Variants in EP300 observed in about 807,000 individuals in gnomAD.
EP300 encodes the protein histone acetyltransferase p300.
A neutral mutation model predicts 264.0 loss-of-function variants in EP300; 31 were observed. The ratio of observed to expected loss-of-function variants is 0.12; its 90% CI spans 0.09 to 0.16. EP300 has a LOEUF of 0.16. Among genes scored for constraint, EP300 ranks in the 10% least tolerant of loss-of-function variants. The pLI, the probability that EP300 is intolerant of heterozygous loss-of-function variation, is 1.00. For missense variants in EP300, 2,766 were observed against 3,052.9 expected (o/e 0.91, Z 2.21); for synonymous variants, 1,340 against 1,045.4 (o/e 1.28, Z -5.44).
In EP300 at chr22:41,178,148, C is replaced by A. The variant is rs745528077; in HGVS notation, c.6437C>A (p.Pro2146His). Residue 2146 changes from proline to histidine, a missense_variant, in exon 31 of 31, where the codon CCC becomes CAC. Physicochemically the swap from Pro to His is moderately conservative, Grantham distance 77. Transcript: ENST00000263253. ...MQAGVQRAGL[P>H]QQQPQQQLQP... Reference sequence around the variant, plus strand: ...GCGGGCGTTCAGAGGGCTGGCCTGCCCCAGCAGCAACCACAGCAGCAACTC... The same window carrying A: ...GCGGGCGTTCAGAGGGCTGGCCTGCACCAGCAGCAACCACAGCAGCAACTC... 8.1e-6 allele frequency: 13 copies of A among 1,614,020 alleles called. No individual in the cohort carries two copies. The South Asian group carries it at 1.2e-4, about 15-fold the overall frequency.
chr22:41,168,996 A>G, intron 25 of EP300, 129 bp downstream of exon 25: 1 of 1,330,284 alleles, frequency 7.5e-7, no homozygotes, highest in Non-Finnish European at 1.1e-6. Flanking sequence ...TCAAGTGTCC[A>G]GTAATTTTAA....
At position 41,178,407 on chromosome 22, in the gene EP300, A is replaced by G. The variant is rs140852765; in HGVS notation, c.6696A>G (p.Gln2232=). The change falls in exon 31 of 31, where the codon CAA becomes CAG. Residue 2232 remains glutamine, a synonymous_variant. Transcript: ENST00000263253. The part of the protein sequence containing the change: ...QQQQRMQHHM[Q]QMQQGNMGQI... ...AGCAGCGGATGCAGCATCACATGCAACAGATGCAACAAGGAAATATGGGAC... is the reference window on the plus strand; with the variant it reads ...AGCAGCGGATGCAGCATCACATGCAGCAGATGCAACAAGGAAATATGGGAC... The G allele has an allele frequency of 6.4e-5, 104 of 1,614,034 alleles. No homozygotes were observed. The highest frequency in any genetic ancestry group is 4.2e-4 in the Admixed American group (25 of 59,996).
At chr22:41,151,736 G>A (rs1043351422) in intron 14 of EP300, 97 bp from the exon 15 acceptor site, 6 of 1,215,056 alleles carry the variant, frequency 4.9e-6, no homozygotes, top group African/African-American at 4.5e-5. Flanking sequence ...AGAAATAGGT[G>A]GCTAATTCTG....
chr22:41,113,135 G>T (rs2058802546), intron 1 of EP300, among the ~76,000 whole-genome samples: 1 of 139,034 alleles, frequency 7.2e-6, no homozygotes, highest in Non-Finnish European at 1.5e-5. Context: ...GTTTATAGTT[G>T]GCTTGTTTGA....
At chr22:41,098,213 T>C (rs1350045169) in intron 1 of EP300, among the ~76,000 whole-genome samples, 1 of 152,168 alleles carries the variant, frequency 6.6e-6, no homozygotes, top group African/African-American at 2.4e-5. Flanking sequence ...TAATAGACGG[T>C]AGTTTCATTT....
intron 2 of EP300, 47 bp from the exon 3 acceptor site, chr22:41,125,817 C>A: frequency 6.3e-7 from 1 of 1,580,612 alleles, no homozygotes; most frequent in Non-Finnish European, 8.7e-7. Context: ...ATAATAATGT[C>A]TTAAATTTTA....
At chr22:41,095,895 T>G (rs972532431) in intron 1 of EP300, among the ~76,000 whole-genome samples, 2 of 152,156 alleles carry the variant, frequency 1.3e-5, no homozygotes, top group African/African-American at 4.8e-5. Context: ...GTGTTACAAA[T>G]CAAATTATTA....
intron 27 of EP300, among the ~76,000 whole-genome samples, chr22:41,171,313 T>G (rs1000019300): frequency 5.3e-5 from 8 of 151,300 alleles, no homozygotes; most frequent in African/African-American, 1.7e-4. Context: ...GTTGGTTTGG[T>G]TTGGGTTGGT....
chr22:41,104,081 T>C (rs1170930480), intron 1 of EP300, among the ~76,000 whole-genome samples: 2 of 152,162 alleles, frequency 1.3e-5, no homozygotes, highest in African/African-American at 4.8e-5. Flanking sequence ...GTTGTTGTTT[T>C]TGTTTTGTTT....
rs2059176977 is a variant in EP300 at position 41,172,585 on chromosome 22, G to A, written c.4539G>A (p.Leu1513=). ...YFEGDFWPNV[L]EESIKELEQE... is the part of the protein sequence containing the mutation. ...AGGGTGATTTCTGGCCCAATGTTCT[G>A]GAAGAAAGCATTAAGGAACTGGAAC... is the stretch of plus-strand genomic sequence containing the variant. Residue 1513 remains leucine, a synonymous_variant, in exon 28 of 31, where the codon CTG becomes CTA. Transcript: ENST00000263253. 6.2e-7 allele frequency: 1 copy of A among 1,613,954 alleles called. No individual in the cohort carries two copies. The highest frequency in any genetic ancestry group is 1.7e-5 in the Admixed American group (1 of 59,996).
intron 5 of EP300, among the ~76,000 whole-genome samples, chr22:41,130,303 T>A (rs1332363076): frequency 2.0e-5 from 3 of 150,724 alleles, no homozygotes; most frequent in Non-Finnish European, 4.4e-5. Context: ...CTCATGCCTG[T>A]CATCCCAACA....
rs1408820045 is a variant in EP300, at chr22:41,172,520, G to A, written c.4474G>A (p.Glu1492Lys). Residue 1492 changes from glutamate (E) to lysine (K), a missense_variant, in exon 28 of 31, where the codon GAA (glutamate) becomes AAA (lysine). Transcript: ENST00000263253. ...ACAGGATATTTTTAAACAAGCTACTGAAGATAGATTAACAAGTGCAAAGGA... is the reference window on the plus strand; with the variant it reads ...ACAGGATATTTTTAAACAAGCTACTAAAGATAGATTAACAAGTGCAAAGGA... ...DYKDIFKQAT[E>K]DRLTSAKELP... The A allele has an allele frequency of 1.2e-6, 2 of 1,613,826 alleles. No homozygotes were observed. Among genetic ancestry groups the A allele is most frequent in the Non-Finnish European group, 1.7e-6 (2 of 1,179,772 alleles).
At chr22:41,112,313 C>G (rs2058796786) in intron 1 of EP300, among the ~76,000 whole-genome samples, 1 of 152,112 alleles carries the variant, frequency 6.6e-6, no homozygotes, top group African/African-American at 2.4e-5. Flanking sequence ...CTTCAGCCTC[C>G]CAAGTAGCTG....
intron 1 of EP300, among the ~76,000 whole-genome samples, chr22:41,108,764 G>A (rs142904640): frequency 1.3e-3 from 198 of 152,308 alleles, no homozygotes; most frequent in African/African-American, 4.6e-3. Flanking sequence ...AAGCAGCCTG[G>A]TGATGTTGAT....
At chr22:41,147,047 G>A (rs969465647) in intron 11 of EP300, among the ~76,000 whole-genome samples, 4 of 152,166 alleles carry the variant, frequency 2.6e-5, no homozygotes, top group Admixed American at 1.3e-4. Flanking sequence ...GCTCACGCTT[G>A]TAATCCCAGC....
At position 41,158,548 on chromosome 22, in the gene EP300, G is replaced by A. The variant is rs1601625558; in HGVS notation, c.3590+48G>A. The A allele has an allele frequency of 3.3e-6, 5 of 1,493,594 alleles. No homozygotes were observed. The East Asian group carries it at 9.0e-5, about 27-fold the overall frequency. The allele number at this position is 1,493,594 out of a possible 1,614,324, so 92.5% of individuals were successfully genotyped here. A position where few individuals can be genotyped will look rare whatever the true frequency, so the allele number is the denominator to read the frequency against. Reference sequence around the variant, plus strand: ...CATGGTCCATGTGTCCACATGTCCAGGGAGTGCATGCGGATGGGCCAGCAC... The same window carrying A: ...CATGGTCCATGTGTCCACATGTCCAAGGAGTGCATGCGGATGGGCCAGCAC... On this transcript the variant is annotated intron_variant, in intron 19 of 30. Coordinates refer to ENST00000263253, the MANE Select transcript of EP300 (RefSeq NM_001429.4).
At chr22:41,169,420 G>T (rs2059157554) in intron 25 of EP300, 83 bp from the exon 26 acceptor site, 1 of 832,946 alleles carries the variant, frequency 1.2e-6, no homozygotes, top group Non-Finnish European at 2.1e-6. Flanking sequence ...AGAGTGAGAG[G>T]GTGTTATTAG....
intron 1 of EP300, among the ~76,000 whole-genome samples, chr22:41,112,472 T>G (rs138870863): frequency 8.1e-4 from 124 of 152,318 alleles, no homozygotes; most frequent in African/African-American, 3.0e-3. Context: ...GTGCTGGGAT[T>G]ACAGGCGTGA....
At position 41,103,982 on chromosome 22, in the gene EP300, C is replaced by T. The variant is rs1041441942; in HGVS notation, c.94+10884C>T. Among the ~76,000 whole-genome samples, 13 of 152,230 alleles carry T rather than the reference C, an allele frequency of 8.5e-5. No homozygotes were observed. The East Asian group carries it at 1.5e-3, about 18-fold the overall frequency. On this transcript the variant is annotated intron_variant, in intron 1 of 30. Transcript: ENST00000263253. ...TTGTTCAAGATCCATGCTTGGTTTG[C>T]CAGTTGTTATAAATGTAGAAAATAT...
Sources: allele counts gnomAD v4.1 joint callset (sites outside exome capture counted in the v4.1 genomes callset), GRCh38; gene constraint gnomAD v4.1.1; transcripts MANE v1.5; gene names NCBI Gene and HGNC (gene_info 2026-07-23, HGNC 2026-07-21).